Variants in ADARB1 observed in about 807,000 individuals in gnomAD.
ADARB1 encodes the protein adenosine deaminase RNA specific B1, also known as double-stranded RNA-specific editase 1.
In ADARB1, 10 loss-of-function variants were observed where a neutral mutation model predicts 52.4. The observed-to-expected ratio is 0.19, with a 90% CI of 0.12 to 0.32. The LOEUF (loss-of-function observed/expected upper bound fraction) is 0.32. Among genes scored for constraint, ADARB1 ranks in the 10% least tolerant of loss-of-function variants. The pLI, the probability that ADARB1 is intolerant of heterozygous loss-of-function variation, is 1.00. For missense variants in ADARB1, 643 were observed against 922.3 expected (o/e 0.70, Z 3.92); for synonymous variants, 349 against 371.1 (o/e 0.94, Z 0.68).
rs1240999960 is a variant in ADARB1, at chr21:45,128,922, T to C, written c.-48+349T>C. ...CCGGGCACTAGACTTGGTGAAAGCC[T>C]TTTACCATCAATTATTATTTTCTTA... On this transcript the variant is annotated intron_variant, in intron 2 of 10. Coordinates refer to ENST00000348831, the MANE Select transcript of ADARB1 (RefSeq NM_001112.4). The surrounding 1 kb of genome is among the most constrained non-coding windows in gnomAD (Gnocchi z 4.6). 6.6e-6 allele frequency among the ~76,000 whole-genome samples: 1 copy of C among 152,206 alleles called. No individual in the cohort carries two copies. The highest frequency in any genetic ancestry group is 2.4e-5 in the African/African-American group (1 of 41,442).
intron 2 of ADARB1, chr21:45,152,655 G>C: frequency 2.2e-6 from 1 of 451,880 alleles, no homozygotes; most frequent in Non-Finnish European, 4.5e-6. Context: ...ACCTTTTTCA[G>C]CATCATGGGG....
At chr21:45,136,686 G>A (rs2089401271) in intron 2 of ADARB1, among the ~76,000 whole-genome samples, 1 of 152,242 alleles carries the variant, frequency 6.6e-6, no homozygotes, top group Non-Finnish European at 1.5e-5. Context: ...CGGCTGCTGG[G>A]AGAGCAGGGG....
At chr21:45,090,693 G>A (rs1432979704) in intron 1 of ADARB1, among the ~76,000 whole-genome samples, 1 of 152,162 alleles carries the variant, frequency 6.6e-6, no homozygotes, top group African/African-American at 2.4e-5. Context: ...CCTGGTACCT[G>A]TGCAGCTCAG....
At chr21:45,162,181 G>A (rs552184185) in intron 2 of ADARB1, among the ~76,000 whole-genome samples, 4 of 152,230 alleles carry the variant, frequency 2.6e-5, no homozygotes, top group African/African-American at 9.6e-5. Flanking sequence ...AGCCAGGGCA[G>A]TGACGCCCCC....
rs544352867 is a variant in ADARB1, at chr21:45,195,382, TCA to T, written c.1566-9170_1566-9169del. On this transcript the variant is annotated intron_variant, in intron 8 of 10. Transcript: ENST00000348831. ...GCTTGTCTTTTCACTCCCTTGTCTT[TCA>T]CAGAGTAGAACTTTTTAATTTTAAT... Among the ~76,000 whole-genome samples the T allele has an allele frequency of 7.9e-5, 12 of 152,338 alleles. No individual in the cohort carries two copies. In the South Asian group the frequency reaches 2.3e-3, roughly 29 times the overall value.
rs987546053 is a variant in ADARB1, at chr21:45,172,894, A to G, written c.28+1210A>G. Reference sequence around the variant, plus strand: ...TGAGATCTTTTAAAAACCCAGCTTCATGTTTTTACTGGGCAGTTCTACTCA... The same window carrying G: ...TGAGATCTTTTAAAAACCCAGCTTCGTGTTTTTACTGGGCAGTTCTACTCA... On this transcript the variant is annotated intron_variant, in intron 3 of 10. Coordinates refer to ENST00000348831, the MANE Select transcript of ADARB1 (RefSeq NM_001112.4). The surrounding 1 kb of genome is among the most constrained non-coding windows in gnomAD (Gnocchi z 4.4). Among the ~76,000 whole-genome samples the G allele has an allele frequency of 3.3e-5, 5 of 152,058 alleles. No individual in the cohort carries two copies. The highest frequency in any genetic ancestry group is 1.9e-4 in the East Asian group (1 of 5,198).
At chr21:45,185,154 C>A (rs2092060143) in intron 8 of ADARB1, 63 bp downstream of exon 8, 1 of 1,546,252 alleles carries the variant, frequency 6.5e-7, no homozygotes, top group Non-Finnish European at 8.8e-7. Context: ...TACTGTTTGC[C>A]AACCTCCCTT....
intron 1 of ADARB1, among the ~76,000 whole-genome samples, chr21:45,090,948 A>G (rs2086538616): frequency 6.6e-6 from 1 of 152,260 alleles, no homozygotes; most frequent in Non-Finnish European, 1.5e-5. Context: ...TGGCTTTATT[A>G]AACAATGTAG....
At chr21:45,190,804 C>T (rs1341417027) in intron 8 of ADARB1, among the ~76,000 whole-genome samples, 1 of 152,242 alleles carries the variant, frequency 6.6e-6, no homozygotes, top group Admixed American at 6.5e-5. Flanking sequence ...GCCCTTTGGG[C>T]AGACTCCAGA....
At chr21:45,151,519 G>A (rs1008477089) in intron 2 of ADARB1, among the ~76,000 whole-genome samples, 14 of 152,050 alleles carry the variant, frequency 9.2e-5, no homozygotes, top group Non-Finnish European at 1.6e-4. Context: ...TTTTGCCTAT[G>A]AGTGCTTCTT....
chr21:45,159,832 C>T (rs1306864237), intron 2 of ADARB1, among the ~76,000 whole-genome samples: 1 of 152,184 alleles, frequency 6.6e-6, no homozygotes, highest in Non-Finnish European at 1.5e-5. Context: ...TCCAAGAGGC[C>T]AGATGGGTGC....
intron 1 of ADARB1, among the ~76,000 whole-genome samples, chr21:45,109,749 A>G (rs373382911): frequency 1.3e-5 from 2 of 152,214 alleles, no homozygotes; most frequent in Non-Finnish European, 2.9e-5. Context: ...CAACGTCTTG[A>G]TGCCCCTCTT....
intron 9 of ADARB1, among the ~76,000 whole-genome samples, chr21:45,213,584 T>C (rs534138661): frequency 4.6e-5 from 7 of 152,212 alleles, no homozygotes; most frequent in Non-Finnish European, 8.8e-5. Flanking sequence ...ATCCCCAGTA[T>C]GTACCATCTG....
rs2091708199 is a variant in ADARB1, at chr21:45,176,675, A to G, written c.963+11A>G. 5 of 1,584,792 alleles carry G rather than the reference A, an allele frequency of 3.2e-6. No homozygotes were observed. In the South Asian group the frequency reaches 3.5e-5, roughly 11 times the overall value. ...CTGCATTTACCGCAGGTGAGGAACTATGCTGCTGCTTTAAAACACGGGGTC... is the reference window on the plus strand; with the variant it reads ...CTGCATTTACCGCAGGTGAGGAACTGTGCTGCTGCTTTAAAACACGGGGTC... On this transcript the variant is annotated intron_variant, in intron 4 of 10. Transcript: ENST00000348831. This position sits in a 1 kb window ranked among gnomAD's most constrained non-coding sequence, Gnocchi z 5.8.
intron 4 of ADARB1, among the ~76,000 whole-genome samples, chr21:45,179,714 G>T (rs1187722038): frequency 2.0e-5 from 3 of 151,970 alleles, no homozygotes; most frequent in African/African-American, 4.8e-5. Context: ...CGGAGTCAGA[G>T]TGCATTTGTG....
intron 1 of ADARB1, among the ~76,000 whole-genome samples, chr21:45,098,377 G>T (rs2838779): frequency 0.027 from 4,159 of 152,324 alleles, 54 homozygotes; most frequent in South Asian, 0.052. Context: ...CTTCCTAGAA[G>T]TTTCTTGCCT....
intron 1 of ADARB1, among the ~76,000 whole-genome samples, chr21:45,113,134 G>C (rs746741767): frequency 1.3e-5 from 2 of 152,126 alleles, no homozygotes; most frequent in Non-Finnish European, 2.9e-5. Context: ...TTAAAATATT[G>C]GTTGAAATGG....
chr21:45,194,699 G>T lies in ADARB1; in HGVS notation c.1565+9608G>T, dbSNP rs549895527. On this transcript the variant is annotated intron_variant, in intron 8 of 10. Coordinates refer to ENST00000348831, the MANE Select transcript of ADARB1 (RefSeq NM_001112.4). ...AATCATACAGTATGTAGCCTTTTCAGATTGGCTTTTTACACATAGTAATTT... is the reference window on the plus strand; with the variant it reads ...AATCATACAGTATGTAGCCTTTTCATATTGGCTTTTTACACATAGTAATTT... Among the ~76,000 whole-genome samples the T allele has an allele frequency of 2.0e-4, 31 of 152,306 alleles. No homozygotes were observed. In the South Asian group the frequency reaches 6.0e-3, roughly 30 times the overall value.
intron 1 of ADARB1, among the ~76,000 whole-genome samples, chr21:45,104,988 G>A (rs1056752969): frequency 1.3e-5 from 2 of 152,244 alleles, no homozygotes; most frequent in African/African-American, 4.8e-5. Context: ...ACCTAACAGG[G>A]TTAAAGTGGA....
Sources: gnomAD v4.1 joint callset for allele counts (sites outside exome capture counted in the v4.1 genomes callset) on GRCh38, gnomAD v4.1.1 for gene constraint, Gnocchi (gnomAD v3.1) non-coding constraint, MANE v1.5 for transcripts, NCBI Gene and HGNC (gene_info 2026-07-23, HGNC 2026-07-21) for gene names.